The following CENPP variants were observed in gnomAD, a reference collection of about 807,000 sequenced individuals.
CENPP encodes centromere protein P.
Under a neutral mutation model 35.6 loss-of-function variants are expected in CENPP, and 24 were observed. The ratio of observed to expected loss-of-function variants is 0.67; its 90% CI spans 0.49 to 0.95. The LOEUF (loss-of-function observed/expected upper bound fraction) is 0.95. Among genes scored for constraint, CENPP ranks in the 40% least tolerant of loss-of-function variants. The pLI is 0.00. For missense variants in CENPP, 332 were observed against 345.3 expected, an observed-to-expected ratio of 0.96 and a Z score of 0.31; for synonymous variants, 120 against 125.5, an observed-to-expected ratio of 0.96 and a Z score of 0.29.
intron 5 of CENPP, among the ~76,000 whole-genome samples, chr9:92,522,125 C>T (rs1017473387): frequency 4.6e-5 from 7 of 152,014 alleles, no homozygotes; most frequent in African/African-American, 1.7e-4. Context: ...CTTGCTCTGT[C>T]GCCCAGGCTG....
chr9:92,574,863 A>G (rs1850240580), intron 5 of CENPP, among the ~76,000 whole-genome samples: 2 of 152,246 alleles, frequency 1.3e-5, no homozygotes, highest in Non-Finnish European at 2.9e-5. Context: ...TGATTTAAAG[A>G]CAGACATTGG....
In CENPP at chr9:92,619,412, C is replaced by T; in HGVS notation, c.*6263C>T. The T allele has an allele frequency of 8.3e-7, 1 of 1,208,428 alleles. No homozygotes were observed. Among genetic ancestry groups the T allele is most frequent in the Admixed American group, 2.0e-5 (1 of 50,484 alleles). The allele number at this position is 1,208,428 out of a possible 1,614,324, so 74.9% of individuals were successfully genotyped here. On this transcript the variant is annotated 3_prime_UTR_variant, in exon 8 of 8. Transcript: ENST00000375587. ...CTCTAAATATGGGGAAACCAACTAT[C>T]CTATTAACAATTCACCAACTGTCCA... is the stretch of plus-strand genomic sequence containing the variant.
chr9:92,382,892 CTTTTTTTT>C (rs1213731251), intron 5 of CENPP, among the ~76,000 whole-genome samples: 3 of 69,812 alleles, frequency 4.3e-5, no homozygotes, highest in Admixed American at 4.2e-4. Flanking sequence ...CACTGTTTTC[CTTTTTTTT>C]TTTTTTTTTT....
At chr9:92,387,077 A>G (rs963254632) in intron 5 of CENPP, among the ~76,000 whole-genome samples, 43 of 147,284 alleles carry the variant, frequency 2.9e-4, no homozygotes, top group Non-Finnish European at 5.3e-4. Flanking sequence ...AAAAAAAAAG[A>G]AATGTGTGTG....
chr9:92,466,458 A>G lies in CENPP; in HGVS notation c.564+86599A>G, dbSNP rs780513757. On this transcript the variant is annotated intron_variant, in intron 5 of 7. Coordinates refer to ENST00000375587, the MANE Select transcript of CENPP (RefSeq NM_001012267.3). ...GTTCTGCTAATGATTTGGGAAGATTAAGTGGTATTTCACTTAGTTGATTGT... is the reference window on the plus strand; with the variant it reads ...GTTCTGCTAATGATTTGGGAAGATTGAGTGGTATTTCACTTAGTTGATTGT... 2.5e-6 allele frequency: 4 copies of G among 1,610,784 alleles called. No individual in the cohort carries two copies. In the South Asian group the frequency reaches 3.3e-5, roughly 13 times the overall value.
chr9:92,474,700 A>C (rs780235435), intron 5 of CENPP: 2 of 1,614,068 alleles, frequency 1.2e-6, no homozygotes, highest in Admixed American at 3.3e-5. Flanking sequence ...CAAATGGAAA[A>C]AAATGGCTTC....
At chr9:92,571,409 C>T (rs1850135839) in intron 5 of CENPP, among the ~76,000 whole-genome samples, 1 of 152,094 alleles carries the variant, frequency 6.6e-6, no homozygotes, top group Non-Finnish European at 1.5e-5. Context: ...TTTCTTAATC[C>T]TGAGTTCTAG....
chr9:92,441,700 A>C (rs917385299), intron 5 of CENPP, among the ~76,000 whole-genome samples: 1 of 152,176 alleles, frequency 6.6e-6, no homozygotes, highest in Admixed American at 6.6e-5. Context: ...TGGAGGTTGC[A>C]GTGAGCCGAG....
chr9:92,522,380 C>T (rs1848128855), intron 5 of CENPP, among the ~76,000 whole-genome samples: 1 of 152,096 alleles, frequency 6.6e-6, no homozygotes, highest in Non-Finnish European at 1.5e-5. Context: ...GCCACCGCGC[C>T]TGGCCCTATT....
At chr9:92,554,430 G>A (rs1160336262) in intron 5 of CENPP, among the ~76,000 whole-genome samples, 3 of 152,082 alleles carry the variant, frequency 2.0e-5, no homozygotes, top group East Asian at 1.9e-4. Context: ...TGATCCACCC[G>A]CATCACCCTC....
At chr9:92,595,199 T>A (rs564343763) in intron 5 of CENPP, among the ~76,000 whole-genome samples, 1 of 152,092 alleles carries the variant, frequency 6.6e-6, no homozygotes, top group Admixed American at 6.5e-5. Context: ...TGCCCAGCCA[T>A]GTTGCTGTTT....
intron 5 of CENPP, chr9:92,611,037 G>A: frequency 1.9e-6 from 1 of 514,586 alleles, no homozygotes; most frequent in Non-Finnish European, 3.5e-6. Flanking sequence ...AGGGTGTGGG[G>A]AAACCTGTGA....
Position 92,619,446 on chromosome 9 carries a change from C to A in CENPP, c.*6297C>A. 1 of 1,504,974 alleles carries A rather than the reference C, an allele frequency of 6.6e-7. No individual in the cohort carries two copies. The highest frequency in any genetic ancestry group is 1.4e-5 in the African/African-American group (1 of 72,878). 93.2% of individuals were successfully genotyped at this position (1,504,974 alleles called of 1,614,324 possible). On this transcript the variant is annotated 3_prime_UTR_variant, in exon 8 of 8. Transcript: ENST00000375587. ...AATTCACCAACTGTCCATAAAACCC[C>A]GTTAGACCCAGGCTGCATGCCTTGC...
chr9:92,410,032 G>A (rs945205414), intron 5 of CENPP, among the ~76,000 whole-genome samples: 1 of 152,068 alleles, frequency 6.6e-6, no homozygotes, highest in Non-Finnish European at 1.5e-5. Flanking sequence ...TGCCTCCTGG[G>A]TTCAAGCAAC....
At chr9:92,480,686 G>A (rs1266564904) in intron 5 of CENPP, among the ~76,000 whole-genome samples, 1 of 152,144 alleles carries the variant, frequency 6.6e-6, no homozygotes, top group Non-Finnish European at 1.5e-5. Flanking sequence ...ATAAGTCACT[G>A]TGCTTTTAAA....
chr9:92,533,123 C>G (rs937945966), intron 5 of CENPP, among the ~76,000 whole-genome samples: 1 of 149,818 alleles, frequency 6.7e-6, no homozygotes, highest in African/African-American at 2.5e-5. Flanking sequence ...ATGGTGAAAC[C>G]CCGTCTCTAT....
intron 2 of CENPP, 112 bp downstream of exon 2, chr9:92,332,463 A>G (rs1840781307): frequency 3.9e-6 from 3 of 769,406 alleles, no homozygotes; most frequent in South Asian, 5.3e-5. Flanking sequence ...ATTTGAAAGT[A>G]TGGTTGTGGT....
chr9:92,526,643 TA>T lies in CENPP; in HGVS notation c.565-84664del, dbSNP rs1468518557. Among the ~76,000 whole-genome samples the T allele has an allele frequency of 4.6e-5, 7 of 150,952 alleles. No homozygotes were observed. In the East Asian group the frequency reaches 1.4e-3, roughly 29 times the overall value. ...GAAATGAAAAGTTTTCTGAAACGATTAAAAAAATCAAGAAGCCTTTAGACAA... is the reference window on the plus strand; with the variant it reads ...GAAATGAAAAGTTTTCTGAAACGATTAAAAAATCAAGAAGCCTTTAGACAA... On this transcript the variant is annotated intron_variant, in intron 5 of 7. Transcript: ENST00000375587.
intron 5 of CENPP, among the ~76,000 whole-genome samples, chr9:92,572,314 T>C (rs1279931062): frequency 6.6e-6 from 1 of 152,214 alleles, no homozygotes; most frequent in Non-Finnish European, 1.5e-5. Flanking sequence ...CATTTGTTTG[T>C]CTGTAAAGGA....
Sources: allele counts gnomAD v4.1 joint callset (sites outside exome capture counted in the v4.1 genomes callset), GRCh38; gene constraint gnomAD v4.1.1; transcripts MANE v1.5; gene names NCBI Gene and HGNC (gene_info 2026-07-23, HGNC 2026-07-21).